Variants in SYNPO2 observed in about 807,000 individuals in gnomAD.
SYNPO2 encodes synaptopodin 2.
A neutral mutation model predicts 85.0 loss-of-function variants in SYNPO2; 56 were observed. The observed-to-expected ratio is 0.66, with a 90% CI of 0.53 to 0.82. SYNPO2 has a LOEUF of 0.82. Among genes scored for constraint, SYNPO2 ranks in the 40% least tolerant of loss-of-function variants. The probability of loss-of-function intolerance (pLI) is 0.00; values close to 1 mark genes in which losing one functional copy is unlikely to be tolerated. For synonymous variants in SYNPO2, 602 were observed against 591.1 expected (o/e 1.02, Z -0.27); for missense variants, 1,575 against 1,534.2 (o/e 1.03, Z -0.44).
intron 1 of SYNPO2, among the ~76,000 whole-genome samples, chr4:118,976,823 GGTTCTC>G (rs901149641): frequency 1.3e-5 from 2 of 152,046 alleles, no homozygotes; most frequent in African/African-American, 4.8e-5. Context: ...TAGACATAAA[GGTTCTC>G]CACGTCCTCA....
intron 1 of SYNPO2, among the ~76,000 whole-genome samples, chr4:119,002,357 T>C (rs1560965993): frequency 6.6e-6 from 1 of 152,114 alleles, no homozygotes; most frequent in Non-Finnish European, 1.5e-5. Flanking sequence ...GCCTCCCCAG[T>C]TCAAGCAATT....
intron 1 of SYNPO2, among the ~76,000 whole-genome samples, chr4:118,879,388 T>G (rs1732021485): frequency 6.6e-6 from 1 of 151,998 alleles, no homozygotes; most frequent in African/African-American, 2.4e-5. Context: ...AAATCCCCAG[T>G]GTATATTTGG....
upstream of SYNPO2, among the ~76,000 whole-genome samples, chr4:118,885,137 G>A (rs903331702): frequency 6.6e-6 from 1 of 152,236 alleles, no homozygotes; most frequent in Non-Finnish European, 1.5e-5. Flanking sequence ...ACTTCTGTGT[G>A]TCTGAATCAT....
intron 1 of SYNPO2, among the ~76,000 whole-genome samples, chr4:118,934,365 G>A (rs1173061052): frequency 1.3e-5 from 2 of 152,022 alleles, no homozygotes; most frequent in African/African-American, 2.4e-5. Flanking sequence ...TTCATTCTAG[G>A]CAAGATCTCT....
intron 1 of SYNPO2, among the ~76,000 whole-genome samples, chr4:118,873,312 A>G (rs561566473): frequency 6.6e-5 from 10 of 152,318 alleles, no homozygotes; most frequent in African/African-American, 2.4e-4. Flanking sequence ...ATTTTCACCA[A>G]CAGTGTATAA....
Position 118,968,882 on chromosome 4 carries a change from C to A in SYNPO2, c.106-54548C>A, listed in dbSNP as rs557527899. Reference sequence around the variant, plus strand: ...ATTTTCCAGGTGGAAATTCCTTGGCCTTTGAACCCTGACTAAAACGTCAGA... The same window carrying A: ...ATTTTCCAGGTGGAAATTCCTTGGCATTTGAACCCTGACTAAAACGTCAGA... On this transcript the variant is annotated intron_variant, in intron 1 of 4. Coordinates refer to ENST00000307142, the MANE Select transcript of SYNPO2 (RefSeq NM_133477.3). Among the ~76,000 whole-genome samples, 22 of 152,288 alleles carry A rather than the reference C, an allele frequency of 1.4e-4. 1 individual carries two copies. Among genetic ancestry groups the A allele is most frequent in the African/African-American group, 5.1e-4 (21 of 41,564 alleles).
chr4:119,007,230 A>ATG (rs1248068609), intron 1 of SYNPO2, among the ~76,000 whole-genome samples: 5 of 58,306 alleles, frequency 8.6e-5, no homozygotes, highest in East Asian at 4.9e-4. Flanking sequence ...ATATATATAT[A>ATG]TATATATATA....
intron 3 of SYNPO2, among the ~76,000 whole-genome samples, chr4:119,028,321 G>T (rs1355020990): frequency 6.6e-6 from 1 of 150,948 alleles, no homozygotes; most frequent in Admixed American, 6.6e-5. Context: ...CAATGGCAAT[G>T]AATTCGGTTA....
chr4:118,938,054 G>T (rs1030188046), intron 1 of SYNPO2, among the ~76,000 whole-genome samples: 3 of 152,148 alleles, frequency 2.0e-5, no homozygotes, highest in African/African-American at 7.2e-5. Context: ...TGTAATCCTA[G>T]CACTTTGGAA....
At chr4:118,882,014 T>A (rs1369601035) in intron 1 of SYNPO2, among the ~76,000 whole-genome samples, 2 of 152,248 alleles carry the variant, frequency 1.3e-5, no homozygotes, top group South Asian at 4.1e-4. Flanking sequence ...CTGGCACTTA[T>A]GATAAAGTTC....
intron 1 of SYNPO2, among the ~76,000 whole-genome samples, chr4:118,852,200 T>C (rs200379200): frequency 6.6e-6 from 1 of 152,184 alleles, no homozygotes; most frequent in Non-Finnish European, 1.5e-5. Context: ...AGAATGGCTG[T>C]TGTTAAAGAG....
chr4:118,939,977 CTT>C (rs111485944), intron 1 of SYNPO2, among the ~76,000 whole-genome samples: 35 of 119,840 alleles, frequency 2.9e-4, no homozygotes, highest in African/African-American at 6.0e-4. Flanking sequence ...TTTCTCTCTT[CTT>C]TTTTTTTTTT....
intron 1 of SYNPO2, among the ~76,000 whole-genome samples, chr4:118,979,677 C>T (rs1578609469): frequency 6.6e-6 from 1 of 152,164 alleles, no homozygotes; most frequent in Non-Finnish European, 1.5e-5. Flanking sequence ...ATATTTTCAG[C>T]ACAATGACAG....
intron 1 of SYNPO2, among the ~76,000 whole-genome samples, chr4:118,932,548 T>G (rs1022455617): frequency 2.0e-5 from 3 of 152,186 alleles, no homozygotes; most frequent in African/African-American, 7.2e-5. Flanking sequence ...CTAGATTTAA[T>G]ATTTTGTAGA....
chr4:118,962,105 A>G (rs528384750), intron 1 of SYNPO2, among the ~76,000 whole-genome samples: 1 of 152,264 alleles, frequency 6.6e-6, no homozygotes, highest in South Asian at 2.1e-4. Context: ...CTGATGGTTC[A>G]TGTGGTTAGA....
intron 1 of SYNPO2, among the ~76,000 whole-genome samples, chr4:118,879,142 C>G (rs1000619495): frequency 1.3e-5 from 2 of 152,152 alleles, no homozygotes; most frequent in Non-Finnish European, 2.9e-5. Flanking sequence ...AAGAAACTCC[C>G]GACACATCTG....
chr4:118,981,757 G>T lies in SYNPO2; in HGVS notation c.106-41673G>T, dbSNP rs78969215. On this transcript the variant is annotated intron_variant, in intron 1 of 4. Coordinates refer to ENST00000307142, the MANE Select transcript of SYNPO2 (RefSeq NM_133477.3). ...AAACAAGCTTGTGGTTGTTGCTGTC[G>T]TCCATTTTACTCCTATGTCTTTTGG... Among the ~76,000 whole-genome samples, 1,392 of 152,216 alleles carry T rather than the reference G, an allele frequency of 9.1e-3. 12 individuals are homozygous for T. Among genetic ancestry groups the T allele is most frequent in the Admixed American group, 0.015 (225 of 15,300 alleles).
intron 1 of SYNPO2, among the ~76,000 whole-genome samples, chr4:118,961,099 G>GCCCCC (rs60796554): frequency 6.3e-5 from 6 of 94,650 alleles, no homozygotes; most frequent in East Asian, 3.1e-4. Flanking sequence ...CTATTTTACC[G>GCCCCC]CCCCCCCCCC....
chr4:118,962,257 G>A (rs773120662), intron 1 of SYNPO2, among the ~76,000 whole-genome samples: 1 of 152,162 alleles, frequency 6.6e-6, no homozygotes, highest in Non-Finnish European at 1.5e-5. Context: ...ATGAAACTAA[G>A]TCTCTGTAGC....
Sources: gnomAD v4.1 joint callset for allele counts (sites outside exome capture counted in the v4.1 genomes callset) on GRCh38, gnomAD v4.1.1 for gene constraint, MANE v1.5 for transcripts, NCBI Gene and HGNC (gene_info 2026-07-23, HGNC 2026-07-21) for gene names.